The following TAB2 variants were observed in gnomAD, a reference collection of about 807,000 sequenced individuals.
The protein encoded by TAB2 is TGF-beta-activated kinase 1 and MAP3K7-binding protein 2.
TAB2 carries 3 observed loss-of-function variants against 65.0 expected under a neutral mutation model. The observed-to-expected ratio is 0.05, with a 90% CI of 0.02 to 0.12. TAB2 has a LOEUF of 0.12. Ranked by LOEUF, TAB2 falls within the 10% of genes least tolerant of loss-of-function variation. The pLI is 1.00. For synonymous variants in TAB2, 298 were observed against 285.1 expected, an observed-to-expected ratio of 1.05 and a Z score of -0.46; for missense variants, 623 against 840.3, an observed-to-expected ratio of 0.74 and a Z score of 3.20.
intron 1 of TAB2, among the ~76,000 whole-genome samples, chr6:149,260,619 C>T (rs1015501164): frequency 6.6e-6 from 1 of 152,164 alleles, no homozygotes; most frequent in Non-Finnish European, 1.5e-5. Context: ...CACTAAAGAG[C>T]ACGGTGGGCA....
chr6:149,369,945 C>A lies in TAB2; in HGVS notation c.-53C>A. On this transcript the variant is annotated 5_prime_UTR_variant, in exon 2 of 7. Transcript: ENST00000637181. ...ACAGAAGAGATGAGTACTATTTCCA[C>A]TAAGGCCTAGAATTGCCTACTGTAC... 6.7e-7 allele frequency: 1 copy of A among 1,488,450 alleles called. No individual in the cohort carries two copies. The highest frequency in any genetic ancestry group is 9.4e-7 in the Non-Finnish European group (1 of 1,065,652). 92.2% of individuals were successfully genotyped at this position (1,488,450 alleles called of 1,614,324 possible).
At chr6:149,350,209 G>C (rs1210026909) in intron 1 of TAB2, among the ~76,000 whole-genome samples, 1 of 152,102 alleles carries the variant, frequency 6.6e-6, no homozygotes, top group Non-Finnish European at 1.5e-5. Context: ...TAGGATTACA[G>C]ACGTAAGCCA....
chr6:149,356,591 C>T (rs181912545), intron 1 of TAB2, among the ~76,000 whole-genome samples: 9 of 152,270 alleles, frequency 5.9e-5, no homozygotes, highest in Admixed American at 2.0e-4. Flanking sequence ...GCTCAGCTCC[C>T]TCGGGCCTCT....
intron 1 of TAB2, among the ~76,000 whole-genome samples, chr6:149,277,937 T>C (rs923206455): frequency 2.9e-5 from 4 of 138,608 alleles, no homozygotes; most frequent in Admixed American, 2.2e-4. Context: ...TTAGTCCTAG[T>C]TACATACAGC....
intron 1 of TAB2, among the ~76,000 whole-genome samples, chr6:149,229,770 A>G (rs927837641): frequency 3.3e-5 from 5 of 152,122 alleles, no homozygotes; most frequent in African/African-American, 1.2e-4. Context: ...TCTTATTTGC[A>G]CCACAGGGGG....
At chr6:149,230,885 G>T (rs1220916770) in intron 1 of TAB2, among the ~76,000 whole-genome samples, 1 of 152,174 alleles carries the variant, frequency 6.6e-6, no homozygotes, top group Non-Finnish European at 1.5e-5. Flanking sequence ...TGCTATTCTG[G>T]CATTTTAGGG....
intron 6 of TAB2, among the ~76,000 whole-genome samples, chr6:149,402,008 A>G (rs547013032): frequency 9.5e-5 from 14 of 147,162 alleles, no homozygotes; most frequent in African/African-American, 3.3e-4. Context: ...TAAAAAAAAA[A>G]AAAGAAAGAT....
At chr6:149,224,964 T>A (rs1777236981) in intron 1 of TAB2, among the ~76,000 whole-genome samples, 3 of 152,250 alleles carry the variant, frequency 2.0e-5, no homozygotes, top group Admixed American at 2.0e-4. Context: ...GATGTTGGAA[T>A]TAATTGGTCT....
chr6:149,221,673 C>G (rs1777152013), intron 1 of TAB2, among the ~76,000 whole-genome samples: 1 of 152,142 alleles, frequency 6.6e-6, no homozygotes, highest in Non-Finnish European at 1.5e-5. Context: ...GGTAAAAGTC[C>G]TTCTGTGTAG....
At position 149,259,588 on chromosome 6, in the gene TAB2, AT is replaced by A. The variant is rs570303541; in HGVS notation, c.-121+40814del. Among the ~76,000 whole-genome samples the A allele has an allele frequency of 3.9e-5, 6 of 152,340 alleles. 1 individual carries two copies. The South Asian group carries it at 1.2e-3, about 32-fold the overall frequency. ...CCATTGGTCAGAACTGGCATTTAGC[AT>A]TGCCCAACCTGGACAAAGGCAGGAT... is the stretch of plus-strand genomic sequence containing the variant. On this transcript the variant is annotated intron_variant, in intron 1 of 1. Coordinates refer to the TAB2 transcript ENST00000606202.
At chr6:149,295,553 C>T (rs1419148602) in intron 1 of TAB2, among the ~76,000 whole-genome samples, 3 of 152,178 alleles carry the variant, frequency 2.0e-5, no homozygotes, top group African/African-American at 7.2e-5. Flanking sequence ...TTATAATCCT[C>T]TTTCATATTG....
chr6:149,379,535 AGGT>A lies in TAB2; in HGVS notation c.1603+20_1603+22del, dbSNP rs1281631852. 1 of 1,613,542 alleles carries A rather than the reference AGGT, an allele frequency of 6.2e-7. No individual in the cohort carries two copies. The highest frequency in any genetic ancestry group is 1.3e-5 in the African/African-American group (1 of 74,908). Reference sequence around the variant, plus strand: ...ACACACAAGGTAATATGAATACTAAAGGTGGGATGGTTTTCCATGCTGGGCTTG... The same window carrying A: ...ACACACAAGGTAATATGAATACTAAAGGGATGGTTTTCCATGCTGGGCTTG... On this transcript the variant is annotated intron_variant, in intron 3 of 6. Coordinates refer to ENST00000637181, the MANE Select transcript of TAB2 (RefSeq NM_001292034.3).
intron 1 of TAB2, among the ~76,000 whole-genome samples, chr6:149,261,517 A>G (rs1481373494): frequency 6.6e-6 from 1 of 152,232 alleles, no homozygotes; most frequent in African/African-American, 2.4e-5. Context: ...AAAACAAACT[A>G]CAAGTCTGGC....
chr6:149,233,670 C>T (rs1451810630), intron 1 of TAB2, among the ~76,000 whole-genome samples: 8 of 152,222 alleles, frequency 5.3e-5, no homozygotes, highest in Admixed American at 5.2e-4. Context: ...ATTAGTCCTG[C>T]TTTCCTTTAC....
At chr6:149,392,964 C>T (rs537008487) in intron 3 of TAB2, among the ~76,000 whole-genome samples, 4 of 152,174 alleles carry the variant, frequency 2.6e-5, no homozygotes, top group South Asian at 2.1e-4. Flanking sequence ...AGAAGAGTTT[C>T]GACTTTAGCT....
At chr6:149,318,848 T>G (rs1431531482) in intron 1 of TAB2, 1 of 152,208 alleles carries the variant, frequency 6.6e-6, no homozygotes, top group African/African-American at 2.4e-5. Flanking sequence ...GATGTTAGGT[T>G]TCCATTCTTC....
chr6:149,314,173 A>T (rs1779210572), upstream of TAB2, among the ~76,000 whole-genome samples: 1 of 152,224 alleles, frequency 6.6e-6, no homozygotes, highest in Non-Finnish European at 1.5e-5. Context: ...CATGCAATAG[A>T]CCACACTATA....
intron 1 of TAB2, among the ~76,000 whole-genome samples, chr6:149,267,325 C>T (rs1167398275): frequency 6.6e-6 from 1 of 152,166 alleles, no homozygotes; most frequent in Non-Finnish European, 1.5e-5. Flanking sequence ...CCCGTGTCTC[C>T]TATTGTCAGA....
At chr6:149,226,273 G>A (rs1369881488) in intron 1 of TAB2, among the ~76,000 whole-genome samples, 3 of 152,184 alleles carry the variant, frequency 2.0e-5, no homozygotes, top group Non-Finnish European at 2.9e-5. Context: ...CATGGCTGTA[G>A]GCTGAGAGTG....
Sources: allele counts gnomAD v4.1 joint callset (sites outside exome capture counted in the v4.1 genomes callset), GRCh38; gene constraint gnomAD v4.1.1; transcripts MANE v1.5; gene names NCBI Gene and HGNC (gene_info 2026-07-23, HGNC 2026-07-21).